The following CHRM5 variants were observed in gnomAD, a reference collection of about 807,000 sequenced individuals.
CHRM5 encodes cholinergic receptor muscarinic 5.
A neutral mutation model predicts 39.0 loss-of-function variants in CHRM5; 18 were observed. The ratio of observed to expected loss-of-function variants is 0.46; its 90% confidence interval spans 0.32 to 0.68. The LOEUF (loss-of-function observed/expected upper bound fraction) is 0.68. Among genes scored for constraint, CHRM5 ranks in the 30% least tolerant of loss-of-function variants. The pLI is 0.04. For synonymous variants in CHRM5, 241 were observed against 246.3 expected (o/e 0.98, Z 0.20); for missense variants, 515 against 651.1 (o/e 0.79, Z 2.28).
chr15:34,048,941 C>T lies in CHRM5; in HGVS notation c.-76+2070C>T, dbSNP rs1006792829. On this transcript the variant is annotated intron_variant, in intron 2 of 2. Transcript: ENST00000383263. The stretch of plus-strand genomic sequence containing the variant: ...GTGACTAGGGTCTGGAGTGGACCCA[C>T]GGCAAACTGCAGCAGCCCTGTGGAA... Among the ~76,000 whole-genome samples the T allele has an allele frequency of 2.0e-5, 3 of 152,150 alleles. No individual in the cohort carries two copies. In the East Asian group the frequency reaches 5.8e-4, roughly 29 times the overall value.
At chr15:33,995,319 A>G (rs1597327043) in intron 1 of CHRM5, among the ~76,000 whole-genome samples, 1 of 152,336 alleles carries the variant, frequency 6.6e-6, no homozygotes, top group South Asian at 2.1e-4. Context: ...AACAATAAAA[A>G]TACAAATAAA....
intron 2 of CHRM5, among the ~76,000 whole-genome samples, chr15:34,059,960 T>C (rs192960651): frequency 2.6e-5 from 4 of 152,124 alleles, no homozygotes; most frequent in Admixed American, 2.6e-4. Context: ...TAATAAACAT[T>C]CAAATATTTA....
chr15:33,985,411 G>GTTCCTTTGTTACCAGAAAGGAACA (rs1896387658), intron 1 of CHRM5, among the ~76,000 whole-genome samples: 1 of 150,688 alleles, frequency 6.6e-6, no homozygotes, highest in Non-Finnish European at 1.5e-5. Flanking sequence ...TGAGCTGAGT[G>GTTCCTTTGTTACCAGAAAGGAACA]CATGCCCTCA....
intron 1 of CHRM5, among the ~76,000 whole-genome samples, chr15:34,043,642 A>G (rs993180685): frequency 7.2e-5 from 11 of 152,222 alleles, no homozygotes; most frequent in Admixed American, 7.2e-4. Flanking sequence ...TTACCAGGTC[A>G]TAAGTCATAA....
intron 1 of CHRM5, among the ~76,000 whole-genome samples, chr15:34,042,698 C>T (rs373129802): frequency 3.9e-4 from 59 of 151,986 alleles, no homozygotes; most frequent in Admixed American, 1.8e-3. Context: ...CCACCGTGCC[C>T]GGCAACCTAA....
chr15:34,064,262 A>C lies in CHRM5; in HGVS notation c.1545A>C (p.Lys515Asn). ...AGATGCTGCTTCTCTGCCGATGGAA[A>C]AAGAAAAAAGTGGAAGAGAAGTTGT... ...TFKMLLLCRWKKKKVEEKLYW... is the reference protein window; with the variant it reads ...TFKMLLLCRWNKKKVEEKLYW... Residue 515 changes from lysine (K) to asparagine (N), a missense_variant, in exon 3 of 3, where the codon AAA becomes AAC. By Grantham distance (94) the Lys-to-Asn change is moderately conservative. Transcript: ENST00000383263. 6.2e-7 allele frequency: 1 copy of C among 1,614,100 alleles called. No individual in the cohort carries two copies.
At position 34,064,268 on chromosome 15, in the gene CHRM5, A is replaced by G. The variant is rs140639541; in HGVS notation, c.1551A>G (p.Lys517=). The change falls in exon 3 of 3, where the codon AAA becomes AAG. Residue 517 remains lysine, a synonymous_variant. Transcript: ENST00000383263. ...KMLLLCRWKK[K]KVEEKLYWQG... is the part of the protein sequence containing the mutation. Reference sequence around the variant, plus strand: ...TGCTTCTCTGCCGATGGAAAAAGAAAAAAGTGGAAGAGAAGTTGTACTGGC... The same window carrying G: ...TGCTTCTCTGCCGATGGAAAAAGAAGAAAGTGGAAGAGAAGTTGTACTGGC... 4.8e-5 allele frequency: 77 copies of G among 1,613,966 alleles called. No individual in the cohort carries two copies. The highest frequency in any genetic ancestry group is 6.4e-5 in the Non-Finnish European group (75 of 1,180,030).
At position 34,064,020 on chromosome 15, in the gene CHRM5, G is replaced by C. The variant is rs753027422; in HGVS notation, c.1303G>C (p.Val435Leu). The change falls in exon 3 of 3, where the codon GTC (valine) becomes CTC (leucine). Residue 435 changes from valine to leucine, a missense_variant. Physicochemically the swap from Val to Leu is conservative, Grantham distance 32. Transcript: ENST00000383263. ...GACCAAACGAAAGAGAGTGGTCCTA[G>C]TCAAAGAGAGGAAAGCAGCCCAGAC... ...QMTKRKRVVL[V>L]KERKAAQTLS... 1 of 1,614,182 alleles carries C rather than the reference G, an allele frequency of 6.2e-7. No individual in the cohort carries two copies. The highest frequency in any genetic ancestry group is 8.5e-7 in the Non-Finnish European group (1 of 1,180,042).
chr15:34,012,030 C>T (rs997526800), intron 1 of CHRM5, among the ~76,000 whole-genome samples: 1 of 152,132 alleles, frequency 6.6e-6, no homozygotes, highest in Non-Finnish European at 1.5e-5. Flanking sequence ...ATTTTATCTG[C>T]TTTAAAAAAT....
At chr15:34,057,232 G>A (rs1467186814) in intron 2 of CHRM5, among the ~76,000 whole-genome samples, 2 of 151,568 alleles carry the variant, frequency 1.3e-5, no homozygotes, top group Non-Finnish European at 2.9e-5. Context: ...GGCTTCCCAG[G>A]TTCAAGCGAT....
intron 1 of CHRM5, among the ~76,000 whole-genome samples, chr15:33,983,155 T>TGTA (rs1194579138): frequency 1.0e-4 from 11 of 110,538 alleles, no homozygotes; most frequent in African/African-American, 5.3e-4. Flanking sequence ...TGTGTGTGTG[T>TGTA]GTGTATGTGT....
At chr15:34,061,496 T>C (rs1343532019) in intron 2 of CHRM5, among the ~76,000 whole-genome samples, 1 of 152,198 alleles carries the variant, frequency 6.6e-6, no homozygotes, top group Non-Finnish European at 1.5e-5. Flanking sequence ...TATTAGTATA[T>C]GCATAGGGGA....
chr15:33,972,989 A>C (rs553446199), intron 1 of CHRM5, among the ~76,000 whole-genome samples: 2 of 152,312 alleles, frequency 1.3e-5, no homozygotes, highest in African/African-American at 4.8e-5. Context: ...AGAATTCTTA[A>C]AGCATTTATT....
Position 34,064,345 on chromosome 15 carries a change from A to G in CHRM5, c.*29A>G, listed in dbSNP as rs939270526. The G allele has an allele frequency of 1.1e-5, 17 of 1,586,656 alleles. 1 individual carries two copies. In the African/African-American group the frequency reaches 1.4e-4, roughly 13 times the overall value. The stretch of plus-strand genomic sequence containing the variant: ...GTCAACAACTCCTCTCGAAAGAACA[A>G]TGACCACAGTCAACATCCTCTGAGG... On this transcript the variant is annotated 3_prime_UTR_variant, in exon 3 of 3. Coordinates refer to ENST00000383263, the MANE Select transcript of CHRM5 (RefSeq NM_012125.4).
intron 1 of CHRM5, among the ~76,000 whole-genome samples, chr15:34,009,413 A>G (rs1050705048): frequency 6.6e-6 from 1 of 152,222 alleles, no homozygotes; most frequent in African/African-American, 2.4e-5. Flanking sequence ...CTGATTTTAA[A>G]AGCAATTCTA....
intron 1 of CHRM5, among the ~76,000 whole-genome samples, chr15:34,039,329 G>C (rs1899359856): frequency 6.6e-6 from 1 of 151,950 alleles, no homozygotes; most frequent in Non-Finnish European, 1.5e-5. Flanking sequence ...GATTCTCAAG[G>C]CATCAGAGAT....
At chr15:33,983,200 G>GTATATA (rs769965010) in intron 1 of CHRM5, among the ~76,000 whole-genome samples, 1 of 63,920 alleles carries the variant, frequency 1.6e-5, no homozygotes, top group East Asian at 4.4e-4. Flanking sequence ...GTATGTGTGT[G>GTATATA]TATATATATA....
intron 2 of CHRM5, among the ~76,000 whole-genome samples, chr15:34,047,521 A>G (rs1252798258): frequency 6.6e-6 from 1 of 152,136 alleles, no homozygotes; most frequent in African/African-American, 2.4e-5. Flanking sequence ...ACCTCACAAG[A>G]TAAGACCCAC....
chr15:33,977,360 G>A (rs780598485), intron 1 of CHRM5, among the ~76,000 whole-genome samples: 2 of 152,124 alleles, frequency 1.3e-5, no homozygotes, highest in Non-Finnish European at 2.9e-5. Flanking sequence ...AGATGAGACA[G>A]ATTCAAAACA....
Sources: allele counts gnomAD v4.1 joint callset (sites outside exome capture counted in the v4.1 genomes callset), GRCh38; gene constraint gnomAD v4.1.1; transcripts MANE v1.5; gene names NCBI Gene and HGNC (gene_info 2026-07-23, HGNC 2026-07-21).